The following CC2D2A variants were observed in gnomAD, a reference collection of about 807,000 sequenced individuals.
CC2D2A encodes the protein coiled-coil and C2 domain containing 2A.
CC2D2A carries 155 observed loss-of-function variants against 212.9 expected under a neutral mutation model. That is an observed-to-expected ratio of 0.73 (90% CI 0.64 to 0.83). CC2D2A has a LOEUF of 0.83. CC2D2A is among the 40% of genes least tolerant of loss of function. CC2D2A has a pLI of 0.00. For missense variants in CC2D2A, 1,856 were observed against 1,956.2 expected, an observed-to-expected ratio of 0.95 and a Z score of 0.97; for synonymous variants, 667 against 686.5, an observed-to-expected ratio of 0.97 and a Z score of 0.44.
chr4:15,548,468 T>C (rs1718822446), intron 17 of CC2D2A, among the ~76,000 whole-genome samples: 2 of 152,056 alleles, frequency 1.3e-5, no homozygotes, highest in East Asian at 1.9e-4. Context: ...TTTCATAGGA[T>C]TGTGGTGAAG....
intron 6 of CC2D2A, among the ~76,000 whole-genome samples, chr4:15,503,260 G>A (rs1716068807): frequency 2.6e-5 from 4 of 152,084 alleles, no homozygotes; most frequent in South Asian, 2.1e-4. Context: ...CTATGATTAG[G>A]CCACTGCAGT....
chr4:15,530,002 C>T (rs961320075), intron 13 of CC2D2A, among the ~76,000 whole-genome samples: 2 of 131,234 alleles, frequency 1.5e-5, no homozygotes, highest in Non-Finnish European at 1.8e-5. Context: ...GACGGAGTCT[C>T]ACTCTGTCGC....
chr4:15,484,401 G>T (rs1714882213), intron 4 of CC2D2A, among the ~76,000 whole-genome samples: 1 of 152,164 alleles, frequency 6.6e-6, no homozygotes, highest in South Asian at 2.1e-4. Context: ...TAATCCGAAT[G>T]AGATGAGCGT....
chr4:15,479,163 CA>C, intron 3 of CC2D2A: 1 of 1,280,554 alleles, frequency 7.8e-7, no homozygotes. Context: ...TACACGATTA[CA>C]AATCTTGGGA....
At chr4:15,507,789 G>T (rs1716346521) in intron 6 of CC2D2A, among the ~76,000 whole-genome samples, 1 of 152,210 alleles carries the variant, frequency 6.6e-6, no homozygotes, top group East Asian at 1.9e-4. Flanking sequence ...GACAAAGTCT[G>T]TTGGGCCCGC....
intron 33 of CC2D2A, among the ~76,000 whole-genome samples, chr4:15,595,550 G>A (rs996495870): frequency 2.0e-5 from 3 of 152,162 alleles, no homozygotes; most frequent in South Asian, 2.1e-4. Context: ...TTAAACAGAA[G>A]GAAACCGAGG....
chr4:15,589,518 C>A, intron 32 of CC2D2A, 27 bp from the exon 33 acceptor site: 1 of 1,601,742 alleles, frequency 6.2e-7, no homozygotes, highest in Non-Finnish European at 8.5e-7. Flanking sequence ...TAGTTGAAAA[C>A]TAGTTTTAAT....
intron 4 of CC2D2A, among the ~76,000 whole-genome samples, chr4:15,485,352 A>C (rs895864487): frequency 9.9e-5 from 15 of 152,208 alleles, no homozygotes; most frequent in African/African-American, 3.4e-4. Flanking sequence ...GTGTATATGC[A>C]GCATGCTTTC....
chr4:15,535,463 T>C (rs2109032368), intron 14 of CC2D2A, among the ~76,000 whole-genome samples: 1 of 152,296 alleles, frequency 6.6e-6, no homozygotes, highest in East Asian at 1.9e-4. Flanking sequence ...CAAATTCTTT[T>C]GGAGTACCCT....
intron 1 of CC2D2A, among the ~76,000 whole-genome samples, chr4:15,470,884 T>A (rs1359094860): frequency 1.3e-5 from 2 of 151,750 alleles, no homozygotes; most frequent in African/African-American, 2.4e-5. Flanking sequence ...TATAAACACA[T>A]GATAAGAGTA....
At chr4:15,511,448 A>G (rs763636844) in intron 8 of CC2D2A, 25 bp downstream of exon 8, 2 of 1,487,522 alleles carry the variant, frequency 1.3e-6, no homozygotes, top group East Asian at 5.1e-5. Flanking sequence ...GATGGTAATG[A>G]GGTGTGGGTG....
intron 15 of CC2D2A, 148 bp downstream of exon 15, chr4:15,537,224 T>C (rs1213583701): frequency 6.1e-6 from 4 of 660,490 alleles, no homozygotes; most frequent in Non-Finnish European, 4.9e-6. Flanking sequence ...GGCTAAGGGA[T>C]AAAAGGATGA....
chr4:15,490,957 C>T (rs760413745), intron 4 of CC2D2A, among the ~76,000 whole-genome samples: 13 of 152,036 alleles, frequency 8.6e-5, no homozygotes, highest in Non-Finnish European at 1.3e-4. Flanking sequence ...TCACACGGAC[C>T]GCCTTAGAGT....
chr4:15,520,369 G>T (rs775771400), intron 11 of CC2D2A, among the ~76,000 whole-genome samples: 5 of 152,110 alleles, frequency 3.3e-5, no homozygotes, highest in Admixed American at 1.3e-4. Flanking sequence ...TTGGTTATAT[G>T]ACAAAAATAC....
At chr4:15,598,143 A>C (rs1326274394) in intron 35 of CC2D2A, among the ~76,000 whole-genome samples, 2 of 152,166 alleles carry the variant, frequency 1.3e-5, no homozygotes, top group African/African-American at 2.4e-5. Context: ...ATCTCCAAAC[A>C]ACCTTTTTGT....
chr4:15,516,113 T>A, intron 10 of CC2D2A, 109 bp downstream of exon 10: 1 of 1,162,932 alleles, frequency 8.6e-7, no homozygotes, highest in Non-Finnish European at 1.1e-6. Flanking sequence ...CCTCTTGAGG[T>A]TATCCACAGA....
At chr4:15,565,737 T>C (rs1265644786) in intron 24 of CC2D2A, among the ~76,000 whole-genome samples, 1 of 152,130 alleles carries the variant, frequency 6.6e-6, no homozygotes, top group Non-Finnish European at 1.5e-5. Flanking sequence ...ACCTCCCAAG[T>C]AGCTAAGACT....
In CC2D2A at chr4:15,569,321, A is replaced by C. The variant is rs1720049482; in HGVS notation, c.3427A>C (p.Ser1143Arg). 1 of 1,582,412 alleles carries C rather than the reference A, an allele frequency of 6.3e-7. No homozygotes were observed. Among genetic ancestry groups the C allele is most frequent in the Admixed American group, 1.8e-5 (1 of 55,622 alleles). The change falls in exon 27 of 37, where the codon AGT becomes CGT. Residue 1143 changes from serine to arginine, a missense_variant. Coordinates refer to ENST00000424120, the MANE Select transcript of CC2D2A (RefSeq NM_001378615.1). The stretch of plus-strand genomic sequence containing the variant: ...TCCTAATGGAGATTATAGCACAGCC[A>C]GTCTGCAGTCAGTGAAAGATGTTGT... ...RAPNGDYSTA[S>R]LQSVKDVVFI...
intron 13 of CC2D2A, among the ~76,000 whole-genome samples, chr4:15,530,517 A>T (rs1717793612): frequency 1.3e-5 from 2 of 152,210 alleles, no homozygotes; most frequent in Admixed American, 1.3e-4. Context: ...TTGTGATTTT[A>T]TATGGAACTG....
Sources: gnomAD v4.1 joint callset for allele counts (sites outside exome capture counted in the v4.1 genomes callset) on GRCh38, gnomAD v4.1.1 for gene constraint, MANE v1.5 for transcripts, NCBI Gene and HGNC (gene_info 2026-07-23, HGNC 2026-07-21) for gene names.